Variants in GPC6 observed in about 807,000 individuals in gnomAD.
GPC6 encodes the protein glypican-6.
GPC6 carries 14 observed loss-of-function variants against 55.2 expected under a neutral mutation model. The ratio of observed to expected loss-of-function variants is 0.25; its 90% CI spans 0.17 to 0.40. GPC6 has a LOEUF of 0.40. GPC6 is among the 10% of genes least tolerant of loss of function. The pLI is 1.00. For missense variants in GPC6, 641 were observed against 708.5 expected (o/e 0.90, Z 1.08); for synonymous variants, 278 against 259.6 (o/e 1.07, Z -0.68).
intron 2 of GPC6, among the ~76,000 whole-genome samples, chr13:93,827,549 A>G (rs994600162): frequency 2.0e-5 from 3 of 152,178 alleles, no homozygotes; most frequent in Non-Finnish European, 4.4e-5. Flanking sequence ...AGCGTCTTTC[A>G]ATACCAAATA....
chr13:93,727,424 G>A (rs1220066520), intron 2 of GPC6, among the ~76,000 whole-genome samples: 2 of 151,984 alleles, frequency 1.3e-5, no homozygotes, highest in East Asian at 3.9e-4. Flanking sequence ...GCCCTATCTG[G>A]CCCACATCAT....
At chr13:94,389,901 A>G (rs1194782996) in intron 7 of GPC6, among the ~76,000 whole-genome samples, 1 of 152,232 alleles carries the variant, frequency 6.6e-6, no homozygotes, top group Non-Finnish European at 1.5e-5. Context: ...GGAGGAGGCT[A>G]TCAAGGAGCT....
chr13:93,566,008 C>CA lies in GPC6; in HGVS notation c.319+20594dup, dbSNP rs530233015. The stretch of plus-strand genomic sequence containing the variant: ...AGTGAATTCAGAGAGAAATGAACAA[C>CA]AAAAAAATATAGTGAGTGAATTACC... On this transcript the variant is annotated intron_variant, in intron 2 of 8. Coordinates refer to ENST00000377047, the MANE Select transcript of GPC6 (RefSeq NM_005708.5). Among the ~76,000 whole-genome samples, 154 of 150,526 alleles carry CA rather than the reference C, an allele frequency of 1.0e-3. 1 individual carries two copies. Among genetic ancestry groups the CA allele is most frequent in the Non-Finnish European group, 2.0e-3 (132 of 67,692 alleles).
chr13:93,775,292 G>A (rs983554776), intron 2 of GPC6, among the ~76,000 whole-genome samples: 4 of 152,090 alleles, frequency 2.6e-5, no homozygotes, highest in Non-Finnish European at 5.9e-5. Flanking sequence ...GGCGCACACT[G>A]CCTCCTGGCA....
intron 2 of GPC6, among the ~76,000 whole-genome samples, chr13:93,714,889 C>T (rs557981295): frequency 9.9e-5 from 15 of 151,564 alleles, no homozygotes; most frequent in Non-Finnish European, 2.2e-4. Flanking sequence ...AGGGAACAGT[C>T]CCTTTTCTTT....
chr13:94,402,927 G>A, intron 8 of GPC6, 88 bp from the exon 9 acceptor site: 1 of 961,298 alleles, frequency 1.0e-6, no homozygotes, highest in Non-Finnish European at 1.7e-6. Context: ...GGATTATGGG[G>A]ATTACAATTC....
intron 4 of GPC6, among the ~76,000 whole-genome samples, chr13:94,176,720 A>G (rs1888787585): frequency 1.3e-5 from 2 of 152,192 alleles, no homozygotes; most frequent in Non-Finnish European, 2.9e-5. Context: ...GTGATTTATT[A>G]AGATGAGAAG....
At chr13:93,278,167 A>C (rs1445428136) in intron 1 of GPC6, among the ~76,000 whole-genome samples, 1 of 152,226 alleles carries the variant, frequency 6.6e-6, no homozygotes, top group Non-Finnish European at 1.5e-5. Flanking sequence ...GCAGAGGGAA[A>C]TAGAACATAA....
At chr13:94,178,158 C>T (rs1334562982) in intron 4 of GPC6, among the ~76,000 whole-genome samples, 3 of 151,742 alleles carry the variant, frequency 2.0e-5, no homozygotes, top group African/African-American at 7.3e-5. Flanking sequence ...AGCTACCATG[C>T]CCTGCTAATT....
In GPC6 at chr13:94,346,353, T is replaced by A. The variant is rs143399159; in HGVS notation, c.1153-36061T>A. Among the ~76,000 whole-genome samples, 444 of 152,282 alleles carry A rather than the reference T, an allele frequency of 2.9e-3. 10 individuals carry two copies. Among genetic ancestry groups the A allele is most frequent in the Admixed American group, 0.025 (382 of 15,300 alleles). On this transcript the variant is annotated intron_variant, in intron 6 of 8. Transcript: ENST00000377047. ...ATGTTGAATGCTGCGCTATGTAAGA[T>A]TCCTCTGATAGGAACCAGCATCTTG...
At chr13:94,339,371 G>T (rs1002064678) in intron 6 of GPC6, among the ~76,000 whole-genome samples, 6 of 151,900 alleles carry the variant, frequency 3.9e-5, no homozygotes, top group Non-Finnish European at 8.8e-5. Context: ...GCCTATTTTA[G>T]GAGTTTTCTT....
At chr13:93,219,430 T>G in the GPC6 span, among the ~76,000 whole-genome samples, 1 of 152,228 alleles carries the variant, frequency 6.6e-6, no homozygotes, top group East Asian at 1.9e-4. Context: ...ATAGTCATTT[T>G]TATGGCTTCT....
At chr13:93,576,950 A>C (rs1876695511) in intron 2 of GPC6, among the ~76,000 whole-genome samples, 1 of 152,142 alleles carries the variant, frequency 6.6e-6, no homozygotes, top group Non-Finnish European at 1.5e-5. Flanking sequence ...ATACAAATGC[A>C]CTTTAACTCC....
In GPC6 at chr13:93,672,231, GTA is replaced by G. The variant is rs754672326; in HGVS notation, c.319+126816_319+126817del. On this transcript the variant is annotated intron_variant, in intron 2 of 8. Transcript: ENST00000377047. ...TGTGTGTATATGTGTGTGTGTGTGT[GTA>G]TATATGTATATATATGTTGAACACA... 1.2e-3 allele frequency among the ~76,000 whole-genome samples: 181 copies of G among 148,320 alleles called. 3 individuals carry two copies. Among genetic ancestry groups the G allele is most frequent in the Admixed American group, 2.4e-3 (36 of 14,850 alleles).
intron 4 of GPC6, among the ~76,000 whole-genome samples, chr13:94,048,854 G>A (rs1883831151): frequency 6.6e-6 from 1 of 151,974 alleles, no homozygotes; most frequent in Admixed American, 6.6e-5. Context: ...GAACGGTACA[G>A]CTTCTTGTTC....
intron 1 of GPC6, among the ~76,000 whole-genome samples, chr13:93,452,820 C>T (rs552851125): frequency 2.2e-4 from 33 of 151,838 alleles, no homozygotes; most frequent in African/African-American, 7.0e-4. Context: ...TCAAACAGAA[C>T]ATGGATTAAA....
At chr13:94,289,008 A>G (rs1386066944) in intron 5 of GPC6, among the ~76,000 whole-genome samples, 1 of 147,276 alleles carries the variant, frequency 6.8e-6, no homozygotes, top group Admixed American at 7.0e-5. Flanking sequence ...TTTGTTCCCT[A>G]CAAGTCTTCT....
At chr13:94,381,796 A>G (rs1030411337) in intron 6 of GPC6, among the ~76,000 whole-genome samples, 3 of 152,202 alleles carry the variant, frequency 2.0e-5, no homozygotes, top group African/African-American at 7.2e-5. Context: ...TTTCCTGGCC[A>G]TCCATCCACA....
intron 4 of GPC6, among the ~76,000 whole-genome samples, chr13:94,272,747 C>T (rs1300656126): frequency 6.6e-6 from 1 of 152,046 alleles, no homozygotes; most frequent in Admixed American, 6.6e-5. Context: ...GGATTACAGG[C>T]ATGAGACACC....
Sources: gnomAD v4.1 joint callset for allele counts (sites outside exome capture counted in the v4.1 genomes callset) on GRCh38, gnomAD v4.1.1 for gene constraint, MANE v1.5 for transcripts, NCBI Gene and HGNC (gene_info 2026-07-23, HGNC 2026-07-21) for gene names.